COL18A1: variants seen among roughly 807,000 people sequenced by gnomAD.
COL18A1 encodes collagen alpha-1(XVIII) chain.
A neutral mutation model predicts 168.0 loss-of-function variants in COL18A1; 133 were observed. The ratio of observed to expected loss-of-function variants is 0.79; its 90% CI spans 0.69 to 0.91. COL18A1 has a LOEUF of 0.91. COL18A1 is among the 40% of genes least tolerant of loss of function. The pLI is 0.00. For synonymous variants in COL18A1, 949 were observed against 809.0 expected, an observed-to-expected ratio of 1.17 and a Z score of -2.94; for missense variants, 2,126 against 1,925.4, an observed-to-expected ratio of 1.10 and a Z score of -1.95.
At chr21:45,433,529 C>T (rs954958288) in intron 2 of COL18A1, among the ~76,000 whole-genome samples, 1 of 152,180 alleles carries the variant, frequency 6.6e-6, no homozygotes, top group African/African-American at 2.4e-5. Flanking sequence ...CAACAGATGC[C>T]GGCCCAGGGC....
rs2035097543 is a variant in COL18A1, at chr21:45,463,141, C to T, written c.107-5101C>T. 6.6e-6 allele frequency among the ~76,000 whole-genome samples: 1 copy of T among 152,352 alleles called. No homozygotes were observed. The highest frequency in any genetic ancestry group is 2.4e-5 in the African/African-American group (1 of 41,568). Reference sequence around the variant, plus strand: ...CCAGCCCTCTAAATCCCCTTCAAGTCACTTCAGCTGGAAGGGGCAGCTTGC... The same window carrying T: ...CCAGCCCTCTAAATCCCCTTCAAGTTACTTCAGCTGGAAGGGGCAGCTTGC... On this transcript the variant is annotated intron_variant, in intron 2 of 41. Transcript: ENST00000651438. The surrounding 1 kb of genome is among the most constrained non-coding windows in gnomAD (Gnocchi z 4.0).
intron 7 of COL18A1, 114 bp from the exon 8 acceptor site, chr21:45,477,636 G>A (rs1010274971): frequency 2.6e-5 from 33 of 1,266,428 alleles, no homozygotes; most frequent in South Asian, 5.2e-5. Context: ...TCCACCCTGC[G>A]TGTCCACTGT....
At chr21:45,445,241 T>C (rs987793730) in intron 2 of COL18A1, among the ~76,000 whole-genome samples, 3 of 152,116 alleles carry the variant, frequency 2.0e-5, no homozygotes, top group Non-Finnish European at 4.4e-5. Flanking sequence ...CTTCTTCCCC[T>C]CGGCCTGTGG....
At chr21:45,484,372 G>A (rs539045751) in intron 15 of COL18A1, among the ~76,000 whole-genome samples, 3,919 of 77,620 alleles carry the variant, frequency 0.05, 115 homozygotes, top group Middle Eastern at 0.21. Flanking sequence ...ACACATACAC[G>A]CACACACACA....
chr21:45,466,065 G>T (rs2035197629), intron 2 of COL18A1, among the ~76,000 whole-genome samples: 1 of 152,184 alleles, frequency 6.6e-6, no homozygotes. Context: ...GCCGTGTCAG[G>T]GTGAGGCTGG....
At chr21:45,460,624 C>T (rs76638775) in intron 2 of COL18A1, among the ~76,000 whole-genome samples, 1,878 of 152,328 alleles carry the variant, frequency 0.012, 41 homozygotes, top group African/African-American at 0.042. Context: ...CTCCTTTAGT[C>T]AAATGCAGAA....
intron 2 of COL18A1, chr21:45,424,406 C>G (rs2033718457): frequency 1.3e-5 from 2 of 152,368 alleles, no homozygotes; most frequent in Non-Finnish European, 2.9e-5. Context: ...GAGCGCAGCT[C>G]TGCTGTGGGT....
chr21:45,412,387 C>T (rs1214614415), intron 2 of COL18A1, among the ~76,000 whole-genome samples: 1 of 151,748 alleles, frequency 6.6e-6, no homozygotes, highest in African/African-American at 2.4e-5. Flanking sequence ...CAGGTGTGGG[C>T]CACCACGCCT....
At chr21:45,487,029 G>A (rs776397236) in intron 16 of COL18A1, 37 bp downstream of exon 16, 1 of 1,482,546 alleles carries the variant, frequency 6.7e-7, no homozygotes, top group Non-Finnish European at 8.9e-7. Flanking sequence ...TGGAGAGCCG[G>A]GGGCTGCCGT....
chr21:45,497,098 G>T lies in COL18A1; in HGVS notation c.2620+6G>T, dbSNP rs1351337137. 1 of 1,563,034 alleles carries T rather than the reference G, an allele frequency of 6.4e-7. No homozygotes were observed. Among genetic ancestry groups the T allele is most frequent in the Admixed American group, 1.7e-5 (1 of 59,966 alleles). The stretch of plus-strand genomic sequence containing the variant: ...CGGGCCTCCAGGATTGCCAGGTGAG[G>T]GTCCTGGGCTCACAGCTGGGGACAC... On this transcript the variant is annotated splice_donor_region_variant and intron_variant, in intron 31 of 41. Coordinates refer to ENST00000651438, the MANE Select transcript of COL18A1 (RefSeq NM_001379500.1).
Position 45,513,447 on chromosome 21 carries a change from GGT to G in COL18A1, c.*1051_*1052del, listed in dbSNP as rs1158809706. 6.6e-6 allele frequency: 1 copy of G among 152,228 alleles called. No homozygotes were observed. Among genetic ancestry groups the G allele is most frequent in the Non-Finnish European group, 1.5e-5 (1 of 68,060 alleles). The allele number at this position is 152,228 out of a possible 1,614,324, so 9.4% of individuals were successfully genotyped here. A position where few individuals can be genotyped will look rare whatever the true frequency, so the allele number is the denominator to read the frequency against. ...CCTTGGGACTGAAGGGGAACCCCGG[GGT>G]GCCCACAGGCCGCCCTGCGGGTGAA... On this transcript the variant is annotated 3_prime_UTR_variant, in exon 42 of 42. Transcript: ENST00000651438.
Position 45,505,247 on chromosome 21 carries a change from G to GC in COL18A1, c.2987dup (p.Ser997PhefsTer90), listed in dbSNP as rs756377988. On this transcript the variant is annotated frameshift_variant, in exon 35 of 42. Transcript: ENST00000651438. LOFTEE classifies it high-confidence loss of function. The stretch of plus-strand genomic sequence containing the variant: ...CTCCCGGCCCCCCAGGCCCCCCAGG[G>GC]CCCCCTTCATTTCCTGGCCCTCACA... The GC allele has an allele frequency of 1.9e-6, 3 of 1,574,256 alleles. No homozygotes were observed. The highest frequency in any genetic ancestry group is 2.6e-6 in the Non-Finnish European group (3 of 1,157,584).
chr21:45,512,240 G>A lies in COL18A1; in HGVS notation c.3862G>A (p.Glu1288Lys), dbSNP rs370953127. ...GSDPNGRRLT[E>K]SYCETWRTEA... ...GGACCCCAACGGGCGCAGGCTGACCGAGAGCTACTGTGAGACGTGGCGGAC... is the reference window on the plus strand; with the variant it reads ...GGACCCCAACGGGCGCAGGCTGACCAAGAGCTACTGTGAGACGTGGCGGAC... The change falls in exon 42 of 42, where the codon GAG becomes AAG. Residue 1288 changes from glutamate (E) to lysine (K), a missense_variant. Transcript: ENST00000651438. 2.8e-5 allele frequency: 45 copies of A among 1,612,448 alleles called. No homozygotes were observed. The highest frequency in any genetic ancestry group is 7.7e-5 in the South Asian group (7 of 91,046).
intron 2 of COL18A1, among the ~76,000 whole-genome samples, chr21:45,444,246 TGCGA>T (rs1295505177): frequency 2.0e-5 from 3 of 152,174 alleles, no homozygotes; most frequent in Admixed American, 6.5e-5. Context: ...TCTTCAGTGC[TGCGA>T]GCAGGCTGGG....
At chr21:45,493,948 G>A in intron 26 of COL18A1, 1 of 309,588 alleles carries the variant, frequency 3.2e-6, no homozygotes, top group Non-Finnish European at 6.1e-6. Context: ...TCTTCCTGGG[G>A]GCCCTGATGC....
At chr21:45,445,656 TA>T (rs1179601084) in intron 2 of COL18A1, among the ~76,000 whole-genome samples, 1 of 152,244 alleles carries the variant, frequency 6.6e-6, no homozygotes, top group African/African-American at 2.4e-5. Context: ...ATGTTGGGTG[TA>T]AAGCAGTGTC....
chr21:45,487,027 CG>C (rs1340525868), intron 16 of COL18A1, 35 bp downstream of exon 16: 9 of 1,482,522 alleles, frequency 6.1e-6, no homozygotes, highest in African/African-American at 4.3e-5. Context: ...CCTGGAGAGC[CG>C]GGGGCTGCCG....
rs1037977541 is a variant in COL18A1, at chr21:45,486,905, C to T, written c.1746C>T (p.Ser582=). ...APGPAGARGE[S]GLAGAPGPAG... ...GTCCTGCTGGTGCTCGTGGGGAGAG[C>T]GGCCTGGCAGGAGCCCCCGGACCTG... The change falls in exon 16 of 42, where the codon AGC becomes AGT. Residue 582 remains serine, a synonymous_variant. Transcript: ENST00000651438. The T allele has an allele frequency of 1.4e-5, 22 of 1,521,758 alleles. No homozygotes were observed. The highest frequency in any genetic ancestry group is 5.6e-5 in the African/African-American group (4 of 72,018). The allele number at this position is 1,521,758 out of a possible 1,614,324, so 94.3% of individuals were successfully genotyped here. A position where few individuals can be genotyped will look rare whatever the true frequency, so the allele number is the denominator to read the frequency against.
At chr21:45,512,113 TTCCTGCCCGGG>T in intron 41 of COL18A1, 64 bp from the exon 42 acceptor site, 1 of 1,515,532 alleles carries the variant, frequency 6.6e-7, no homozygotes, top group South Asian at 1.2e-5. Context: ...GCCTCCACCT[TTCCTGCCCGGG>T]GAGCGGCCTC....
Sources: gnomAD v4.1 joint callset for allele counts (sites outside exome capture counted in the v4.1 genomes callset) on GRCh38, gnomAD v4.1.1 for gene constraint, Gnocchi (gnomAD v3.1) non-coding constraint, MANE v1.5 for transcripts, NCBI Gene and HGNC (gene_info 2026-07-23, HGNC 2026-07-21) for gene names.